MED26: variants seen among roughly 807,000 people sequenced by gnomAD.
The protein encoded by MED26 is mediator complex subunit 26.
MED26 carries 7 observed loss-of-function variants against 43.7 expected under a neutral mutation model. The observed-to-expected ratio is 0.16, with a 90% CI of 0.09 to 0.30. The LOEUF (loss-of-function observed/expected upper bound fraction) is 0.30, where lower values mean the gene tolerates loss of function less well. Among genes scored for constraint, MED26 ranks in the 10% least tolerant of loss-of-function variants. The pLI is 1.00. For synonymous variants in MED26, 375 were observed against 371.1 expected, an observed-to-expected ratio of 1.01 and a Z score of -0.12; for missense variants, 784 against 840.6, an observed-to-expected ratio of 0.93 and a Z score of 0.83.
At chr19:16,615,039 ATACCAGCAAGAAAAC>A (rs946214930) in intron 1 of MED26, among the ~76,000 whole-genome samples, 3 of 152,000 alleles carry the variant, frequency 2.0e-5, no homozygotes, top group African/African-American at 7.3e-5. Flanking sequence ...GGCTCTCTAA[ATACCAGCAAGAAAAC>A]AACCAACCAG....
At chr19:16,590,947 TGA>T (rs2086094070) in intron 1 of MED26, among the ~76,000 whole-genome samples, 1 of 151,772 alleles carries the variant, frequency 6.6e-6, no homozygotes, top group South Asian at 2.1e-4. Flanking sequence ...GGCTGACGCA[TGA>T]GAATCACTTG....
At position 16,586,475 on chromosome 19, in the gene MED26, G is replaced by A. The variant is rs963917337; in HGVS notation, c.73-8066C>T. Among the ~76,000 whole-genome samples the A allele has an allele frequency of 2.6e-5, 4 of 152,202 alleles. No homozygotes were observed. Among genetic ancestry groups the A allele is most frequent in the African/African-American group, 7.2e-5 (3 of 41,450 alleles). ...GGCACTCTGTAAAGACTCTCCTGAC[G>A]TGCTCCTGCAGTGAAATGCACAGGT... On this transcript the variant is annotated intron_variant, in intron 1 of 2. Transcript: ENST00000263390. The surrounding 1 kb of genome is among the most constrained non-coding windows in gnomAD (Gnocchi z 5.1).
At chr19:16,610,213 T>C (rs868030203) in intron 1 of MED26, among the ~76,000 whole-genome samples, 5 of 151,976 alleles carry the variant, frequency 3.3e-5, no homozygotes, top group Admixed American at 6.6e-5. Flanking sequence ...TGAGCTATGA[T>C]TGCGCTATTG....
At chr19:16,624,199 T>C (rs983487051) in intron 1 of MED26, 2 of 152,118 alleles carry the variant, frequency 1.3e-5, no homozygotes, top group African/African-American at 4.8e-5. Flanking sequence ...AGGAGCTTTA[T>C]GGGGTGCATA....
In MED26 at chr19:16,587,067, A is replaced by G. The variant is rs574209742; in HGVS notation, c.73-8658T>C. On this transcript the variant is annotated intron_variant, in intron 1 of 2. Coordinates refer to ENST00000263390, the MANE Select transcript of MED26 (RefSeq NM_004831.5). The surrounding 1 kb of genome is among the most constrained non-coding windows in gnomAD (Gnocchi z 4.9). Reference sequence around the variant, plus strand: ...CCCAGAAACAGACAGTCTGCCTTCAATGTGCTAAGCATTCTAATGCCGTCC... The same window carrying G: ...CCCAGAAACAGACAGTCTGCCTTCAGTGTGCTAAGCATTCTAATGCCGTCC... 1 of 152,250 alleles carries G rather than the reference A, an allele frequency of 6.6e-6. No individual in the cohort carries two copies. Among genetic ancestry groups the G allele is most frequent in the East Asian group, 1.9e-4 (1 of 5,182 alleles). 9.4% of individuals were successfully genotyped at this position (152,250 alleles called of 1,614,324 possible).
chr19:16,618,383 G>T (rs897641428), intron 1 of MED26, among the ~76,000 whole-genome samples: 2 of 152,154 alleles, frequency 1.3e-5, no homozygotes, highest in Non-Finnish European at 2.9e-5. Flanking sequence ...ATTCAAGACT[G>T]TCTCCAGCCC....
At chr19:16,582,819 G>A (rs1417640236) in intron 1 of MED26, among the ~76,000 whole-genome samples, 1 of 152,256 alleles carries the variant, frequency 6.6e-6, no homozygotes, top group African/African-American at 2.4e-5. Flanking sequence ...AAGAGCTGGA[G>A]AAGGATGGGC....
rs747845091 is a variant in MED26, at chr19:16,613,774, T to C, written c.72+14098A>G. Among the ~76,000 whole-genome samples, 47 of 152,210 alleles carry C rather than the reference T, an allele frequency of 3.1e-4. 1 individual carries two copies. The highest frequency in any genetic ancestry group is 8.8e-5 in the Non-Finnish European group (6 of 68,036). ...GTTGATGCTGCTGTCCTTGCAACCA[T>C]TTCTGTTATGGCCCCAGGATAAAGT... is the stretch of plus-strand genomic sequence containing the variant. On this transcript the variant is annotated intron_variant, in intron 1 of 2. Coordinates refer to ENST00000263390, the MANE Select transcript of MED26 (RefSeq NM_004831.5).
At chr19:16,620,886 T>G (rs1282575242) in intron 1 of MED26, among the ~76,000 whole-genome samples, 1 of 152,234 alleles carries the variant, frequency 6.6e-6, no homozygotes, top group Non-Finnish European at 1.5e-5. Flanking sequence ...CGAATTTTCT[T>G]TAAAACAGTT....
intron 1 of MED26, among the ~76,000 whole-genome samples, chr19:16,598,571 T>A (rs540165927): frequency 6.6e-6 from 1 of 152,204 alleles, no homozygotes; most frequent in South Asian, 2.1e-4. Context: ...TACTGTTCCC[T>A]CCCAGCAACA....
chr19:16,592,988 C>T (rs550172958), intron 1 of MED26, among the ~76,000 whole-genome samples: 11 of 152,348 alleles, frequency 7.2e-5, no homozygotes, highest in African/African-American at 1.7e-4. Flanking sequence ...CAGGACTGGC[C>T]GAATTCTGCC....
At chr19:16,603,524 A>G (rs1471451993) in intron 1 of MED26, among the ~76,000 whole-genome samples, 2 of 152,130 alleles carry the variant, frequency 1.3e-5, no homozygotes, top group Non-Finnish European at 2.9e-5. Flanking sequence ...ATGCTGATGT[A>G]TCAAGGGCCT....
rs769391928 is a variant in MED26, at chr19:16,576,402, G to C, written c.1428C>G (p.Asn476Lys). 2 of 1,614,136 alleles carry C rather than the reference G, an allele frequency of 1.2e-6. No homozygotes were observed. The highest frequency in any genetic ancestry group is 1.7e-6 in the Non-Finnish European group (2 of 1,180,020). Residue 476 changes from asparagine (N) to lysine (K), a missense_variant, in exon 3 of 3, where the codon AAC (asparagine) becomes AAG (lysine). Around this residue, in one of 3 missense-constraint regions of MED26, gnomAD observed 719 missense variants for 730.9 expected, o/e 0.98. Transcript: ENST00000263390. The surrounding 1 kb of genome is among the most constrained non-coding windows in gnomAD (Gnocchi z 6.8). ...ASLQSPFEQT[N>K]WKELSRNEII... ...TCTCGTTGCGTGACAGCTCCTTCCA[G>C]TTCGTCTGTTCGAAGGGGCTCTGGA...
Position 16,577,118 on chromosome 19 carries a change from G to T in MED26, c.712C>A (p.Pro238Thr), listed in dbSNP as rs746589034. Reference protein sequence around the residue: ...PHTSSPGLGKPPGPCLQPKAS... With the variant: ...PHTSSPGLGKTPGPCLQPKAS... ...TTTGGCTGCAAGCAGGGTCCAGGGG[G>T]CTTGCCCAGGCCCGGGGAGCTGGTG... Residue 238 changes from proline to threonine, a missense_variant, in exon 3 of 3, where the codon CCC (proline) becomes ACC (threonine). Pro to Thr is a conservative substitution (Grantham distance 38). Coordinates refer to ENST00000263390, the MANE Select transcript of MED26 (RefSeq NM_004831.5). This position sits in a 1 kb window ranked among gnomAD's most constrained non-coding sequence, Gnocchi z 8.1. The T allele has an allele frequency of 6.2e-7, 1 of 1,613,134 alleles. No individual in the cohort carries two copies. Among genetic ancestry groups the T allele is most frequent in the South Asian group, 1.1e-5 (1 of 91,074 alleles).
At chr19:16,597,551 A>G (rs754465154) in intron 1 of MED26, 1 of 398,180 alleles carries the variant, frequency 2.5e-6, no homozygotes, top group East Asian at 3.6e-5. Context: ...AAAGTTTGCC[A>G]TCGGAAAATA....
At chr19:16,592,607 CAT>C (rs2086103025) in intron 1 of MED26, among the ~76,000 whole-genome samples, 1 of 152,212 alleles carries the variant, frequency 6.6e-6, no homozygotes, top group African/African-American at 2.4e-5. Context: ...CTAGGCATGA[CAT>C]GTGGAGCCTG....
chr19:16,624,382 A>C (rs1490776799), intron 1 of MED26: 1 of 152,190 alleles, frequency 6.6e-6, no homozygotes, highest in Admixed American at 6.5e-5. Flanking sequence ...TGTGAAAAAG[A>C]AAGCAGCTCC....
rs1364327848 is a variant in MED26, at chr19:16,575,815, T to C, written c.*212A>G. On this transcript the variant is annotated 3_prime_UTR_variant, in exon 3 of 3. Transcript: ENST00000263390. ...TTCCACGCGGTCCTTCTTCGCAATTTTGTTAGTAAACTGGTAGCAGCATTT... is the reference window on the plus strand; with the variant it reads ...TTCCACGCGGTCCTTCTTCGCAATTCTGTTAGTAAACTGGTAGCAGCATTT... The C allele has an allele frequency of 1.9e-5, 11 of 577,956 alleles. No individual in the cohort carries two copies. The highest frequency in any genetic ancestry group is 9.2e-6 in the Non-Finnish European group (3 of 324,962). The allele number at this position is 577,956 out of a possible 1,614,324, so 35.8% of individuals were successfully genotyped here.
In MED26 at chr19:16,577,451, G is replaced by C. The variant is rs2086017054; in HGVS notation, c.379C>G (p.Leu127Val). Residue 127 changes from leucine (L) to valine (V), a missense_variant, in exon 3 of 3, where the codon CTG (leucine) becomes GTG (valine). By Grantham distance (32) the Leu-to-Val change is conservative. Around this residue, in one of 3 missense-constraint regions of MED26, gnomAD observed 719 missense variants for 730.9 expected, o/e 0.98. Coordinates refer to ENST00000263390, the MANE Select transcript of MED26 (RefSeq NM_004831.5). The surrounding 1 kb of genome is among the most constrained non-coding windows in gnomAD (Gnocchi z 8.1). ...CTCTGGAGGTCATTGCGGCTCTTCA[G>C]GTCATGGATGCTCCTGGGTGGGCCA... is the stretch of plus-strand genomic sequence containing the variant. ...AAGPPRSIHDLKSRNDLQRLP... is the reference protein window; with the variant it reads ...AAGPPRSIHDVKSRNDLQRLP... 4 of 1,592,598 alleles carry C rather than the reference G, an allele frequency of 2.5e-6. 1 individual carries two copies. In the African/African-American group the frequency reaches 5.4e-5, roughly 21 times the overall value.
Sources: gnomAD v4.1 joint callset for allele counts (sites outside exome capture counted in the v4.1 genomes callset) on GRCh38, gnomAD v4.1.1 for gene constraint, gnomAD v4.1.1 regional missense constraint, Gnocchi (gnomAD v3.1) non-coding constraint, MANE v1.5 for transcripts, NCBI Gene and HGNC (gene_info 2026-07-23, HGNC 2026-07-21) for gene names.